The following IMMP2L variants were observed in gnomAD, a reference collection of about 807,000 sequenced individuals.
The protein encoded by IMMP2L is inner mitochondrial membrane peptidase subunit 2.
A neutral mutation model predicts 19.3 loss-of-function variants in IMMP2L; 18 were observed. The observed-to-expected ratio is 0.93, with a 90% CI of 0.64 to 1.38. IMMP2L has a LOEUF of 1.38. Ranked by LOEUF, IMMP2L falls within the 40% of genes most tolerant of loss-of-function variation. IMMP2L has a pLI of 0.00. For missense variants in IMMP2L, 233 were observed against 218.2 expected (o/e 1.07, Z -0.43); for synonymous variants, 76 against 73.0 (o/e 1.04, Z -0.21).
intron 5 of IMMP2L, among the ~76,000 whole-genome samples, chr7:110,712,751 C>T (rs1473189070): frequency 3.9e-5 from 4 of 101,922 alleles, no homozygotes; most frequent in Non-Finnish European, 2.1e-5. Context: ...GCGCAATATT[C>T]GGGTGGGAGT....
intron 3 of IMMP2L, among the ~76,000 whole-genome samples, chr7:111,384,475 T>C (rs1831540861): frequency 6.6e-6 from 1 of 152,106 alleles, no homozygotes; most frequent in Non-Finnish European, 1.5e-5. Context: ...TCACAATTCA[T>C]TCCTACTTCT....
At chr7:111,504,552 T>C (rs923095897) in intron 2 of IMMP2L, among the ~76,000 whole-genome samples, 47 of 152,080 alleles carry the variant, frequency 3.1e-4, no homozygotes, top group African/African-American at 1.1e-3. Flanking sequence ...GGAGGCATCA[T>C]GCTACCTGAC....
intron 5 of IMMP2L, among the ~76,000 whole-genome samples, chr7:110,859,285 C>A (rs945321613): frequency 1.3e-5 from 2 of 151,976 alleles, no homozygotes; most frequent in African/African-American, 4.8e-5. Flanking sequence ...TTTTTTCAGT[C>A]TGACTAAAGT....
chr7:110,767,425 G>A (rs6963348), intron 5 of IMMP2L, among the ~76,000 whole-genome samples: 28 of 152,120 alleles, frequency 1.8e-4, no homozygotes, highest in East Asian at 5.8e-4. Flanking sequence ...GGATTTTAAC[G>A]TTAACTCTCT....
intron 3 of IMMP2L, among the ~76,000 whole-genome samples, chr7:111,230,185 A>C (rs1377333019): frequency 6.6e-6 from 1 of 152,076 alleles, no homozygotes; most frequent in African/African-American, 2.4e-5. Context: ...CATTTGTTTT[A>C]ATCATGAAAA....
At chr7:110,923,541 T>A (rs994291742) in intron 4 of IMMP2L, among the ~76,000 whole-genome samples, 1 of 152,222 alleles carries the variant, frequency 6.6e-6, no homozygotes, top group African/African-American at 2.4e-5. Flanking sequence ...CTTTATTATA[T>A]GTCTACACAC....
At chr7:111,114,017 T>C (rs1383837500) in intron 3 of IMMP2L, among the ~76,000 whole-genome samples, 2 of 152,138 alleles carry the variant, frequency 1.3e-5, no homozygotes, top group Non-Finnish European at 2.9e-5. Context: ...TAAATATCTA[T>C]TGATAGAAAT....
intron 5 of IMMP2L, among the ~76,000 whole-genome samples, chr7:110,787,560 A>C (rs1413195667): frequency 2.6e-5 from 4 of 152,008 alleles, no homozygotes; most frequent in Non-Finnish European, 5.9e-5. Context: ...GTCTTCTGCT[A>C]ATCCCCAGGA....
chr7:111,286,398 T>A (rs1034200036), intron 3 of IMMP2L, among the ~76,000 whole-genome samples: 33 of 152,094 alleles, frequency 2.2e-4, no homozygotes, highest in Admixed American at 2.0e-4. Flanking sequence ...TAACTGAGAT[T>A]GCGTATTAAT....
At chr7:111,368,365 G>T (rs1270571643) in intron 3 of IMMP2L, among the ~76,000 whole-genome samples, 1 of 151,824 alleles carries the variant, frequency 6.6e-6, no homozygotes. Context: ...AAAACTCTCT[G>T]CTCAGTCCAA....
intron 3 of IMMP2L, among the ~76,000 whole-genome samples, chr7:111,017,212 T>C (rs1585772332): frequency 6.6e-6 from 1 of 150,870 alleles, no homozygotes; most frequent in Non-Finnish European, 1.5e-5. Flanking sequence ...GGACCACAGG[T>C]ACATACCACC....
chr7:111,026,332 A>T (rs1826815183), intron 3 of IMMP2L, among the ~76,000 whole-genome samples: 1 of 152,118 alleles, frequency 6.6e-6, no homozygotes, highest in African/African-American at 2.4e-5. Flanking sequence ...TGGCAGCTCT[A>T]TCTAAGATGG....
At chr7:111,414,092 T>C (rs1480047564) in intron 3 of IMMP2L, among the ~76,000 whole-genome samples, 2 of 151,736 alleles carry the variant, frequency 1.3e-5, no homozygotes, top group Non-Finnish European at 2.9e-5. Context: ...ATCTTTGCAG[T>C]GAACTTGACC....
intron 3 of IMMP2L, among the ~76,000 whole-genome samples, chr7:111,271,182 C>T (rs1205889452): frequency 1.3e-5 from 2 of 152,030 alleles, no homozygotes; most frequent in Non-Finnish European, 1.5e-5. Context: ...ACTTCTCCTT[C>T]CTGTTGCCAT....
At chr7:111,235,787 C>A (rs1468386835) in intron 3 of IMMP2L, among the ~76,000 whole-genome samples, 3 of 152,052 alleles carry the variant, frequency 2.0e-5, no homozygotes, top group Admixed American at 2.0e-4. Flanking sequence ...CTCCCACTTT[C>A]CTCCTCTTCA....
Position 111,484,871 on chromosome 7 carries a change from C to T in IMMP2L, c.239+2367G>A, listed in dbSNP as rs535059544. ...GCACAATCACAGATTACTGCAGTCT[C>T]GACCTCCCAGGCTCAATCGATCTTC... On this transcript the variant is annotated intron_variant, in intron 3 of 5. Coordinates refer to ENST00000405709, the MANE Select transcript of IMMP2L (RefSeq NM_032549.4). Among the ~76,000 whole-genome samples the T allele has an allele frequency of 1.2e-4, 19 of 152,196 alleles. No individual in the cohort carries two copies. The South Asian group carries it at 2.3e-3, about 18-fold the overall frequency.
rs67367468 is a variant in IMMP2L at position 110,902,479 on chromosome 7, A to AATATAT, written c.306-15790_306-15785dup. On this transcript the variant is annotated intron_variant, in intron 4 of 5. Transcript: ENST00000405709. ...AATATAAATATGTCATGAATGATAAAATATATATATATATATATATATAGT... is the reference window on the plus strand; with the variant it reads ...AATATAAATATGTCATGAATGATAAAATATATATATATATATATATATATATATAGT... Among the ~76,000 whole-genome samples, 87 of 140,546 alleles carry AATATAT rather than the reference A, an allele frequency of 6.2e-4. 1 individual carries two copies. The highest frequency in any genetic ancestry group is 3.6e-3 in the Middle Eastern group (1 of 274). The allele number at this position is 140,546 out of a possible 152,430, so 92.2% of individuals were successfully genotyped here. A position where few individuals can be genotyped will look rare whatever the true frequency, so the allele number is the denominator to read the frequency against.
intron 3 of IMMP2L, among the ~76,000 whole-genome samples, chr7:111,000,132 C>T (rs1374758777): frequency 6.6e-6 from 1 of 152,104 alleles, no homozygotes; most frequent in East Asian, 1.9e-4. Context: ...TAATTCTATT[C>T]TGGGAACAGA....
chr7:110,839,857 T>G (rs1188350884), intron 5 of IMMP2L, among the ~76,000 whole-genome samples: 1 of 152,164 alleles, frequency 6.6e-6, no homozygotes, highest in Non-Finnish European at 1.5e-5. Context: ...CATTGTTTCA[T>G]TCATATAGTA....
Sources: gnomAD v4.1 joint callset for allele counts (sites outside exome capture counted in the v4.1 genomes callset) on GRCh38, gnomAD v4.1.1 for gene constraint, MANE v1.5 for transcripts, NCBI Gene and HGNC (gene_info 2026-07-23, HGNC 2026-07-21) for gene names.